The following CCNH variants were observed in gnomAD, a reference collection of about 807,000 sequenced individuals.
CCNH encodes the protein cyclin-H.
A neutral mutation model predicts 41.9 loss-of-function variants in CCNH; 31 were observed. That is an observed-to-expected ratio of 0.74 (90% CI 0.56 to 1.00). The LOEUF is 1.00. Among genes scored for constraint, CCNH ranks in the 50% least tolerant of loss-of-function variants. The pLI is 0.00. For missense variants in CCNH, 362 were observed against 388.4 expected (o/e 0.93, Z 0.57); for synonymous variants, 138 against 136.1 (o/e 1.01, Z -0.10).
At chr5:87,376,431 C>T (rs1761331852) in exon 1 of CCNH, 1 of 1,613,886 alleles carries the variant, frequency 6.2e-7, no homozygotes, top group African/African-American at 1.3e-5. Flanking sequence ...ACAGAAAGGG[C>T]ATGCCACAGA....
At chr5:87,323,066 A>G (rs1756944387) in intron 9 of CCNH, among the ~76,000 whole-genome samples, 1 of 152,150 alleles carries the variant, frequency 6.6e-6, no homozygotes. Context: ...AAATTTGGGG[A>G]TTGCTCTCAT....
chr5:87,344,949 C>T lies in CCNH; in HGVS notation c.*91-26052G>A, dbSNP rs1758746368. The stretch of plus-strand genomic sequence containing the variant: ...CTCTACACACTCAACAGTATTGGTA[C>T]CCTTCTCTGTTACTCCCAAAATGCC... On this transcript the variant is annotated intron_variant and NMD_transcript_variant, in intron 9 of 9. Transcript: ENST00000645953. Among the ~76,000 whole-genome samples, 4 of 152,250 alleles carry T rather than the reference C, an allele frequency of 2.6e-5. 1 individual carries two copies. The South Asian group carries it at 8.3e-4, about 32-fold the overall frequency.
downstream of CCNH, among the ~76,000 whole-genome samples, chr5:87,389,074 C>CTT (rs1762273570): frequency 6.6e-6 from 1 of 151,980 alleles, no homozygotes; most frequent in Non-Finnish European, 1.5e-5. Flanking sequence ...CAATAAGAAT[C>CTT]TTTAGAATTT....
At chr5:87,412,003 C>A (rs181925178) in intron 1 of CCNH, among the ~76,000 whole-genome samples, 1 of 152,304 alleles carries the variant, frequency 6.6e-6, no homozygotes, top group Admixed American at 6.5e-5. Context: ...TAGTCCAAAC[C>A]ATCTTCAGTC....
intron 2 of CCNH, 124 bp downstream of exon 2, chr5:87,411,100 G>T: frequency 1.1e-6 from 1 of 938,792 alleles, no homozygotes; most frequent in Non-Finnish European, 1.5e-6. Context: ...TATATAATGT[G>T]CCAAAAACTA....
At chr5:87,393,125 T>TA (rs1580428274), downstream of CCNH, among the ~76,000 whole-genome samples, 2 of 151,952 alleles carry the variant, frequency 1.3e-5, no homozygotes, top group East Asian at 3.9e-4. Context: ...GAATTATTGT[T>TA]AGAGAGATGA....
downstream of CCNH, chr5:87,374,991 T>A (rs1337345771): frequency 2.0e-6 from 3 of 1,512,740 alleles, no homozygotes; most frequent in Non-Finnish European, 2.6e-6. Context: ...ATGAAAGTCT[T>A]AAAATAGAAA....
At chr5:87,368,444 T>G (rs1561315694) in intron 9 of CCNH, among the ~76,000 whole-genome samples, 2 of 152,214 alleles carry the variant, frequency 1.3e-5, no homozygotes, top group Non-Finnish European at 2.9e-5. Flanking sequence ...TCTTAACTTT[T>G]AGCCATTTAA....
intron 9 of CCNH, among the ~76,000 whole-genome samples, chr5:87,319,866 T>C (rs1265404726): frequency 6.6e-6 from 1 of 152,212 alleles, no homozygotes. Flanking sequence ...CTGCAAAATT[T>C]CCAAACTTTT....
In CCNH at chr5:87,412,811, G is replaced by A. The variant is rs376595693; in HGVS notation, c.-17C>T. ...GTGGTACATTATGGAATCGTGACCA[G>A]GTCCAGAGGGTCTGCAGACGAGAAC... On this transcript the variant is annotated 5_prime_UTR_variant, in exon 1 of 9. Transcript: ENST00000256897. The A allele has an allele frequency of 1.1e-5, 17 of 1,611,344 alleles. No individual in the cohort carries two copies. In the African/African-American group the frequency reaches 2.0e-4, roughly 19 times the overall value.
chr5:87,354,168 T>C (rs1277775195), intron 9 of CCNH, among the ~76,000 whole-genome samples: 1 of 152,056 alleles, frequency 6.6e-6, no homozygotes, highest in Non-Finnish European at 1.5e-5. Flanking sequence ...GAATCATTAA[T>C]CTGAAGCTAA....
chr5:87,392,326 G>A (rs1261160880), downstream of CCNH: 4 of 455,786 alleles, frequency 8.8e-6, no homozygotes, highest in Admixed American at 9.4e-5. Context: ...GCTACAAAAG[G>A]CAGTTATTTC....
chr5:87,382,649 A>G (rs1761800747), intron 9 of CCNH, among the ~76,000 whole-genome samples: 1 of 152,194 alleles, frequency 6.6e-6, no homozygotes, highest in African/African-American at 2.4e-5. Flanking sequence ...TATCTATGCA[A>G]GCTTTTAACA....
At chr5:87,374,351 T>C (rs1000224192), downstream of CCNH, 5 of 1,577,132 alleles carry the variant, frequency 3.2e-6, no homozygotes, top group Non-Finnish European at 4.3e-6. Flanking sequence ...ACATTAATCA[T>C]TTTCTTTTAC....
downstream of CCNH, chr5:87,389,658 A>G (rs1196235262): frequency 8.2e-7 from 1 of 1,215,832 alleles, no homozygotes; most frequent in Non-Finnish European, 1.2e-6. Context: ...ATCATATTAC[A>G]AAAGATCTCA....
rs574698246 is a variant in CCNH, at chr5:87,319,926, C to G, written c.*91-1029G>C. ...AAGTTCCAATTTCACACCGTCTCTT[C>G]ATACATATGAGCATATACTTTTAGA... On this transcript the variant is annotated intron_variant and NMD_transcript_variant, in intron 9 of 9. Coordinates refer to the CCNH transcript ENST00000645953. 5.3e-5 allele frequency among the ~76,000 whole-genome samples: 8 copies of G among 152,330 alleles called. No individual in the cohort carries two copies. The South Asian group carries it at 1.7e-3, about 32-fold the overall frequency.
chr5:87,401,913 A>G (rs1763451138), intron 5 of CCNH, 141 bp from the exon 6 acceptor site: 6 of 518,878 alleles, frequency 1.2e-5, no homozygotes, highest in South Asian at 3.2e-5. Context: ...TGTAACTCCT[A>G]TATTTTAAGG....
At chr5:87,313,258 A>G in the CCNH span, among the ~76,000 whole-genome samples, 1 of 152,180 alleles carries the variant, frequency 6.6e-6, no homozygotes, top group African/African-American at 2.4e-5. Context: ...TAGCTAATCT[A>G]ATATCTTTGA....
chr5:87,376,026 T>C (rs1032242209), downstream of CCNH, among the ~76,000 whole-genome samples: 1 of 152,188 alleles, frequency 6.6e-6, no homozygotes, highest in Non-Finnish European at 1.5e-5. Context: ...CTGTTTAAAG[T>C]GGAGTTTTCA....
Sources: allele counts gnomAD v4.1 joint callset (sites outside exome capture counted in the v4.1 genomes callset), GRCh38; gene constraint gnomAD v4.1.1; transcripts MANE v1.5; gene names NCBI Gene and HGNC (gene_info 2026-07-23, HGNC 2026-07-21).